Variants in HGD observed in about 807,000 individuals in gnomAD.
The protein encoded by HGD is homogentisate oxidase.
A neutral mutation model predicts 60.8 loss-of-function variants in HGD; 61 were observed. The observed-to-expected ratio is 1.00, with a 90% confidence interval of 0.82 to 1.24. The LOEUF is 1.24. Among genes scored for constraint, HGD ranks in the 50% most tolerant of loss-of-function variants. The pLI, the probability that HGD is intolerant of heterozygous loss-of-function variation, is 0.00. For missense variants in HGD, 542 were observed against 547.1 expected, an observed-to-expected ratio of 0.99 and a Z score of 0.09; for synonymous variants, 212 against 187.7, an observed-to-expected ratio of 1.13 and a Z score of -1.06.
At position 120,633,341 on chromosome 3, in the gene HGD, A is replaced by G. The variant is rs773519116; in HGVS notation, c.1007-13T>C. The stretch of plus-strand genomic sequence containing the variant: ...CTCATGCAGTTCCCTGGGAAGGTTG[A>G]AGCAGTATTATTTTTATTATCCAAG... On this transcript the variant is annotated splice_polypyrimidine_tract_variant and intron_variant, in intron 12 of 13. Coordinates refer to ENST00000283871, the MANE Select transcript of HGD (RefSeq NM_000187.4). 4 of 1,614,042 alleles carry G rather than the reference A, an allele frequency of 2.5e-6. No homozygotes were observed. Among genetic ancestry groups the G allele is most frequent in the African/African-American group, 1.3e-5 (1 of 74,916 alleles).
intron 3 of HGD, among the ~76,000 whole-genome samples, chr3:120,671,012 A>C (rs1708014622): frequency 6.6e-6 from 1 of 152,204 alleles, no homozygotes; most frequent in East Asian, 1.9e-4. Flanking sequence ...TCTCCTTTAA[A>C]ATTACAAAAG....
intron 9 of HGD, among the ~76,000 whole-genome samples, chr3:120,645,300 TG>T (rs1212997311): frequency 6.6e-6 from 1 of 152,172 alleles, no homozygotes; most frequent in African/African-American, 2.4e-5. Context: ...AGCTGCCTCT[TG>T]CTGCCTCCCA....
intron 4 of HGD, among the ~76,000 whole-genome samples, chr3:120,655,855 T>C (rs1316783773): frequency 3.3e-5 from 5 of 152,222 alleles, no homozygotes; most frequent in Admixed American, 3.3e-4. Context: ...TTTTCTTACA[T>C]ATAACAACAG....
At chr3:120,669,447 G>GCGCACA (rs71133515) in intron 4 of HGD, among the ~76,000 whole-genome samples, 4 of 145,620 alleles carry the variant, frequency 2.7e-5, no homozygotes, top group Non-Finnish European at 6.0e-5. Context: ...GTGCGCATGT[G>GCGCACA]CACACACACA....
At chr3:120,669,219 CT>C (rs1182039863) in intron 4 of HGD, among the ~76,000 whole-genome samples, 3 of 151,708 alleles carry the variant, frequency 2.0e-5, no homozygotes, top group Non-Finnish European at 4.4e-5. Context: ...TCAAAGATGT[CT>C]GTATTGAATG....
In HGD at chr3:120,682,186, C is replaced by G; in HGVS notation, c.-75G>C. 1 of 1,406,164 alleles carries G rather than the reference C, an allele frequency of 7.1e-7. No individual in the cohort carries two copies. The highest frequency in any genetic ancestry group is 1.0e-6 in the Non-Finnish European group (1 of 990,820). The allele number at this position is 1,406,164 out of a possible 1,614,324, so 87.1% of individuals were successfully genotyped here. A position where few individuals can be genotyped will look rare whatever the true frequency, so the allele number is the denominator to read the frequency against. On this transcript the variant is annotated 5_prime_UTR_variant, in exon 1 of 14. Transcript: ENST00000283871. ...ATATAAAGCCACAATGCTTCTTTCT[C>G]CTTCAAACCACTCTTTGGATATTCC...
chr3:120,680,186 T>G (rs1300868965), intron 1 of HGD, among the ~76,000 whole-genome samples: 3 of 152,244 alleles, frequency 2.0e-5, no homozygotes, highest in Non-Finnish European at 2.9e-5. Flanking sequence ...TATTACTTTA[T>G]CTTTTGAATT....
chr3:120,660,579 C>CACCACCAACCTGCATGGGAGTCA (rs1941630940), intron 4 of HGD, among the ~76,000 whole-genome samples: 1 of 152,202 alleles, frequency 6.6e-6, no homozygotes, highest in South Asian at 2.1e-4. Flanking sequence ...AATCCCAGCA[C>CACCACCAACCTGCATGGGAGTCA]TTTGGGAGGC....
intron 1 of HGD, among the ~76,000 whole-genome samples, chr3:120,676,718 T>G (rs146396492): frequency 6.6e-6 from 1 of 152,346 alleles, no homozygotes; most frequent in Admixed American, 6.5e-5. Context: ...TTGCTCTAAC[T>G]TAAATACCAA....
intron 3 of HGD, among the ~76,000 whole-genome samples, chr3:120,674,278 T>A (rs1269962317): frequency 1.3e-5 from 2 of 152,202 alleles, no homozygotes; most frequent in African/African-American, 4.8e-5. Context: ...ACCTGCCTGA[T>A]ATGAGTTAAT....
intron 5 of HGD, 111 bp downstream of exon 5, chr3:120,652,481 G>C: frequency 1.3e-6 from 1 of 797,028 alleles, no homozygotes; most frequent in Non-Finnish European, 2.2e-6. Context: ...TTTTGTCTCT[G>C]CTGCCTCCTG....
intron 4 of HGD, among the ~76,000 whole-genome samples, chr3:120,661,718 A>G (rs747624583): frequency 1.9e-4 from 29 of 152,236 alleles, no homozygotes; most frequent in Non-Finnish European, 3.7e-4. Context: ...GATGGAGATG[A>G]AATGTAAAAA....
Position 120,644,327 on chromosome 3 carries a change from C to A in HGD, c.766G>T (p.Ala256Ser), listed in dbSNP as rs1941088294. ...CAACCCTTTTACTTTACCTGTTTGG[C>A]AGCAAACAGCTTGCCCTGGTATTTA... The part of the protein sequence containing the change: ...INKYQGKLFA[A>S]KQDVSPFNVV... The change falls in exon 10 of 14, where the codon GCC becomes TCC. Residue 256 changes from alanine (A) to serine (S), a missense_variant. Ala to Ser is a moderately conservative substitution (Grantham distance 99, BLOSUM62 1). Around this residue, in one of 2 missense-constraint regions of HGD, gnomAD observed 537 missense variants for 529.1 expected, o/e 1.01. Transcript: ENST00000283871. 7.4e-6 allele frequency: 12 copies of A among 1,614,060 alleles called. No individual in the cohort carries two copies. The highest frequency in any genetic ancestry group is 9.3e-6 in the Non-Finnish European group (11 of 1,179,998).
intron 4 of HGD, among the ~76,000 whole-genome samples, chr3:120,665,352 C>T (rs1307477250): frequency 6.6e-6 from 1 of 152,012 alleles, no homozygotes; most frequent in Non-Finnish European, 1.5e-5. Flanking sequence ...TCTGATTTTT[C>T]AACAATCAAG....
At chr3:120,660,166 A>G (rs1941619806) in intron 4 of HGD, among the ~76,000 whole-genome samples, 1 of 151,978 alleles carries the variant, frequency 6.6e-6, no homozygotes, top group Non-Finnish European at 1.5e-5. Context: ...CCAGAAGCAG[A>G]AGCCACTATG....
chr3:120,664,385 T>C (rs1707849630), intron 4 of HGD, among the ~76,000 whole-genome samples: 1 of 151,906 alleles, frequency 6.6e-6, no homozygotes, highest in Non-Finnish European at 1.5e-5. Flanking sequence ...TTTTCTTTTC[T>C]CTTTCTTTTC....
At chr3:120,648,787 T>C (rs2107514920) in intron 6 of HGD, among the ~76,000 whole-genome samples, 3 of 152,330 alleles carry the variant, frequency 2.0e-5, no homozygotes, top group South Asian at 4.1e-4. Flanking sequence ...GGCTGGGTCA[T>C]GGGTCACTGG....
chr3:120,648,686 T>G (rs758238400), intron 6 of HGD, among the ~76,000 whole-genome samples: 1 of 152,156 alleles, frequency 6.6e-6, no homozygotes, highest in Non-Finnish European at 1.5e-5. Flanking sequence ...TAATGGAAAC[T>G]CACACACTGT....
chr3:120,650,754 C>A lies in HGD; in HGVS notation c.434+20G>T. On this transcript the variant is annotated intron_variant, in intron 6 of 13. Transcript: ENST00000283871. ...CCCTTAGAAGATGGGCATGTCCTTC[C>A]CTAGAACTGAGCCACTTACCTGTTC... 1 of 1,588,978 alleles carries A rather than the reference C, an allele frequency of 6.3e-7. No homozygotes were observed. Among genetic ancestry groups the A allele is most frequent in the Non-Finnish European group, 8.6e-7 (1 of 1,156,998 alleles).
Sources: gnomAD v4.1 joint callset for allele counts (sites outside exome capture counted in the v4.1 genomes callset) on GRCh38, gnomAD v4.1.1 for gene constraint, gnomAD v4.1.1 regional missense constraint, MANE v1.5 for transcripts, NCBI Gene and HGNC (gene_info 2026-07-23, HGNC 2026-07-21) for gene names.